The following MLIP variants were observed in gnomAD, a reference collection of about 807,000 sequenced individuals.
MLIP encodes the protein muscular LMNA-interacting protein.
MLIP carries 79 observed loss-of-function variants against 84.8 expected under a neutral mutation model. That is an observed-to-expected ratio of 0.93 (90% CI 0.78 to 1.12). MLIP has a LOEUF of 1.12. Ranked by LOEUF, MLIP falls within the 50% of genes most tolerant of loss-of-function variation. The probability of loss-of-function intolerance (pLI) is 0.00; values close to 1 mark genes in which losing one functional copy is unlikely to be tolerated. For synonymous variants in MLIP, 504 were observed against 463.0 expected (o/e 1.09, Z -1.14); for missense variants, 1,257 against 1,160.6 (o/e 1.08, Z -1.21).
At chr6:54,124,990 A>G (rs1770800853) in intron 3 of MLIP, 125 bp downstream of exon 3, 1 of 737,120 alleles carries the variant, frequency 1.4e-6, no homozygotes, top group Non-Finnish European at 2.0e-6. Context: ...ATATATTTAA[A>G]AAACCATTAT....
intron 1 of MLIP, among the ~76,000 whole-genome samples, chr6:54,037,577 C>G (rs1390074825): frequency 6.6e-6 from 1 of 151,968 alleles, no homozygotes; most frequent in East Asian, 1.9e-4. Flanking sequence ...TCAGTAAAGG[C>G]ATTGCTGTTG....
intron 13 of MLIP, among the ~76,000 whole-genome samples, chr6:54,262,701 A>G (rs547908601): frequency 6.6e-6 from 1 of 152,188 alleles, no homozygotes; most frequent in African/African-American, 2.4e-5. Flanking sequence ...GCCTGACAAA[A>G]GGCCCACCTG....
chr6:54,204,378 A>C (rs1447506648), intron 11 of MLIP, among the ~76,000 whole-genome samples: 1 of 152,198 alleles, frequency 6.6e-6, no homozygotes, highest in Non-Finnish European at 1.5e-5. Context: ...CTAATATTTT[A>C]GTGGCTTTTA....
At chr6:54,224,880 C>T (rs9464036) in intron 11 of MLIP, among the ~76,000 whole-genome samples, 4,717 of 152,188 alleles carry the variant, frequency 0.031, 216 homozygotes, top group African/African-American at 0.11. Flanking sequence ...TAATAGTCTC[C>T]AGTCTCATCC....
chr6:54,202,325 T>C (rs1195546852), intron 11 of MLIP, 92 bp downstream of exon 11: 1 of 693,426 alleles, frequency 1.4e-6, no homozygotes, highest in African/African-American at 2.0e-5. Flanking sequence ...TTGATAAATA[T>C]AAAATAAAGA....
chr6:54,031,726 T>C (rs1031513689), intron 1 of MLIP: 2 of 152,194 alleles, frequency 1.3e-5, no homozygotes, highest in African/African-American at 4.8e-5. Context: ...AGATGAGATA[T>C]GGTTTTTGTT....
chr6:54,157,339 C>G (rs1190561326), intron 5 of MLIP, among the ~76,000 whole-genome samples: 1 of 152,094 alleles, frequency 6.6e-6, no homozygotes, highest in Non-Finnish European at 1.5e-5. Flanking sequence ...CTCAAATGGC[C>G]TAATTGCAAG....
chr6:54,123,936 T>C (rs1009193018), intron 2 of MLIP, among the ~76,000 whole-genome samples: 1 of 152,198 alleles, frequency 6.6e-6, no homozygotes, highest in Non-Finnish European at 1.5e-5. Flanking sequence ...TATCTGCATC[T>C]TTTTTGGTGT....
chr6:54,228,894 T>G (rs1192797769), intron 11 of MLIP, among the ~76,000 whole-genome samples: 1 of 152,240 alleles, frequency 6.6e-6, no homozygotes, highest in African/African-American at 2.4e-5. Context: ...ACTTTCACAC[T>G]GATTAATAAT....
At chr6:54,154,294 T>C (rs1224240892) in intron 5 of MLIP, among the ~76,000 whole-genome samples, 1 of 152,114 alleles carries the variant, frequency 6.6e-6, no homozygotes, top group Admixed American at 6.6e-5. Flanking sequence ...TGTATGCCAA[T>C]CAAAACAAAA....
At chr6:54,239,884 T>C (rs915320215) in intron 12 of MLIP, among the ~76,000 whole-genome samples, 9 of 152,172 alleles carry the variant, frequency 5.9e-5, no homozygotes, top group African/African-American at 1.9e-4. Context: ...TCAATAAATA[T>C]TTTTAAAATT....
At chr6:54,103,794 C>T (rs1279213165) in intron 1 of MLIP, among the ~76,000 whole-genome samples, 1 of 152,102 alleles carries the variant, frequency 6.6e-6, no homozygotes, top group Non-Finnish European at 1.5e-5. Flanking sequence ...GTATGCTTAT[C>T]TTTATACTTA....
At chr6:54,199,832 G>A (rs1180511715) in intron 10 of MLIP, among the ~76,000 whole-genome samples, 1 of 152,022 alleles carries the variant, frequency 6.6e-6, no homozygotes, top group African/African-American at 2.4e-5. Context: ...AAAGAAAAAG[G>A]GAACATATAC....
At chr6:54,174,446 T>C (rs964173024) in intron 9 of MLIP, among the ~76,000 whole-genome samples, 2 of 152,030 alleles carry the variant, frequency 1.3e-5, no homozygotes, top group Non-Finnish European at 2.9e-5. Flanking sequence ...CCATTTTAAC[T>C]GGGGTGAGAT....
intron 1 of MLIP, among the ~76,000 whole-genome samples, chr6:54,080,334 T>A (rs1438193561): frequency 6.6e-6 from 1 of 152,114 alleles, no homozygotes; most frequent in African/African-American, 2.4e-5. Flanking sequence ...AATTATATGT[T>A]TATATAAACA....
intron 1 of MLIP, among the ~76,000 whole-genome samples, chr6:54,074,089 T>C (rs1766647138): frequency 6.6e-6 from 1 of 152,226 alleles, no homozygotes; most frequent in South Asian, 2.1e-4. Context: ...TTGGGTAATG[T>C]TTTTCAACAG....
intron 1 of MLIP, among the ~76,000 whole-genome samples, chr6:54,024,130 A>G (rs1296246785): frequency 6.6e-6 from 1 of 152,180 alleles, no homozygotes; most frequent in East Asian, 1.9e-4. Context: ...CTGCTGCTTC[A>G]GCCTTCTCAG....
At chr6:54,175,982 T>G (rs1426737308) in intron 9 of MLIP, among the ~76,000 whole-genome samples, 1 of 152,104 alleles carries the variant, frequency 6.6e-6, no homozygotes, top group Admixed American at 6.6e-5. Context: ...TCAGCATCAA[T>G]GATGATATGG....
intron 11 of MLIP, among the ~76,000 whole-genome samples, chr6:54,229,373 A>G (rs1326878659): frequency 6.6e-6 from 1 of 152,110 alleles, no homozygotes; most frequent in Non-Finnish European, 1.5e-5. Flanking sequence ...TTTTTCTTCA[A>G]CTTTTAAGTT....
Sources: allele counts gnomAD v4.1 joint callset (sites outside exome capture counted in the v4.1 genomes callset), GRCh38; gene constraint gnomAD v4.1.1; transcripts MANE v1.5; gene names NCBI Gene and HGNC (gene_info 2026-07-23, HGNC 2026-07-21).